KIAA1549: variants seen among roughly 807,000 people sequenced by gnomAD.
The protein encoded by KIAA1549 is KIAA1549, also known as UPF0606 protein KIAA1549.
In KIAA1549, 70 loss-of-function variants were observed where a neutral mutation model predicts 156.4. The observed-to-expected ratio is 0.45, with a 90% CI of 0.37 to 0.55. The LOEUF is 0.55. Among genes scored for constraint, KIAA1549 ranks in the 20% least tolerant of loss-of-function variants. The pLI is 0.00. For missense variants in KIAA1549, 2,428 were observed against 2,540.9 expected, an observed-to-expected ratio of 0.96 and a Z score of 0.96; for synonymous variants, 1,103 against 1,066.4, an observed-to-expected ratio of 1.03 and a Z score of -0.67.
Position 138,981,127 on chromosome 7 carries a change from C to T in KIAA1549, c.143G>A (p.Gly48Asp). ...RRRRPGLLLPGLWLLLLARPA... is the reference protein window; with the variant it reads ...RRRRPGLLLPDLWLLLLARPA... ...CCGGGCCAGCAGCAGCAGCCAGAGG[C>T]CAGGAAGCAGCAGCCCCGGGCGGCG... is the stretch of plus-strand genomic sequence containing the variant. The change falls in exon 1 of 20, where the codon GGC becomes GAC. Residue 48 changes from glycine (G) to aspartate (D), a missense_variant. Transcript: ENST00000422774. This position sits in a 1 kb window ranked among gnomAD's most constrained non-coding sequence, Gnocchi z 4.5. 1 of 1,221,824 alleles carries T rather than the reference C, an allele frequency of 8.2e-7. No individual in the cohort carries two copies. The highest frequency in any genetic ancestry group is 1.0e-6 in the Non-Finnish European group (1 of 981,540). 75.7% of individuals were successfully genotyped at this position (1,221,824 alleles called of 1,614,324 possible).
chr7:138,857,705 G>A (rs1810434142), intron 16 of KIAA1549, among the ~76,000 whole-genome samples: 2 of 152,164 alleles, frequency 1.3e-5, no homozygotes, highest in African/African-American at 4.8e-5. Flanking sequence ...ATGTCTTCCA[G>A]ATAAACTGAA....
rs370490539 is a variant in KIAA1549, at chr7:138,912,384, T to G, written c.2955A>C (p.Ala985=). 2 of 1,613,674 alleles carry G rather than the reference T, an allele frequency of 1.2e-6. No homozygotes were observed. Among genetic ancestry groups the G allele is most frequent in the African/African-American group, 2.7e-5 (2 of 75,040 alleles). Residue 985 remains alanine, a synonymous_variant, in exon 3 of 20, where the codon GCA becomes GCC. Coordinates refer to ENST00000422774, the MANE Select transcript of KIAA1549 (RefSeq NM_001164665.2). The part of the protein sequence containing the change: ...KEVLRIHFNR[A]VELKVYELFT... ...CACCAGGACTCACCTTCAGTTCCAC[T>G]GCACGGTTGAAGTGAATCCTCAGTA...
chr7:138,840,759 G>A (rs1314115698), intron 18 of KIAA1549, among the ~76,000 whole-genome samples: 2 of 152,178 alleles, frequency 1.3e-5, no homozygotes, highest in South Asian at 4.2e-4. Context: ...GAAAGCCCAC[G>A]GGCTCCTCTC....
chr7:138,903,834 TGTGTGTGTGTGTGTGTGTGCGCGC>T (rs1350778009), intron 7 of KIAA1549, 98 bp from the exon 8 acceptor site: 17 of 470,990 alleles, frequency 3.6e-5, no homozygotes, highest in African/African-American at 2.7e-4. Flanking sequence ...TGTGTGTGTG[TGTGTGTGTGTGTGTGTGTGCGCGC>T]GCGCGCGCGC....
Position 138,918,929 on chromosome 7 carries a change from G to C in KIAA1549, c.697C>G (p.Arg233Gly). Residue 233 changes from arginine (R) to glycine (G), a missense_variant, in exon 2 of 20, where the codon CGG becomes GGG. By Grantham distance (125) the Arg-to-Gly change is moderately radical. Coordinates refer to ENST00000422774, the MANE Select transcript of KIAA1549 (RefSeq NM_001164665.2). This position sits in a 1 kb window ranked among gnomAD's most constrained non-coding sequence, Gnocchi z 4.2. The stretch of plus-strand genomic sequence containing the variant: ...CCCTCAGAGGTGCGAAAAGCTGACC[G>C]AAAGGTGTGGAAATGACTGGCGGAC... ...AESASHFHTF[R>G]SAFRTSEGIV... 6.2e-7 allele frequency: 1 copy of C among 1,614,050 alleles called. No homozygotes were observed. Among genetic ancestry groups the C allele is most frequent in the Middle Eastern group, 1.6e-4 (1 of 6,062 alleles).
intron 1 of KIAA1549, among the ~76,000 whole-genome samples, chr7:138,925,396 A>G (rs907478946): frequency 6.6e-6 from 1 of 152,094 alleles, no homozygotes; most frequent in Non-Finnish European, 1.5e-5. Context: ...TCAAAATAGC[A>G]CCCGCAGGGC....
At chr7:138,887,453 G>A (rs1319554771) in intron 10 of KIAA1549, among the ~76,000 whole-genome samples, 4 of 152,162 alleles carry the variant, frequency 2.6e-5, no homozygotes, top group Non-Finnish European at 5.9e-5. Context: ...TTTTCTAGGA[G>A]CAGGCAGCCC....
rs940746507 is a variant in KIAA1549 at position 138,833,591 on chromosome 7, T to C, written c.*4315A>G. 1 of 232,444 alleles carries C rather than the reference T, an allele frequency of 4.3e-6. No individual in the cohort carries two copies. The highest frequency in any genetic ancestry group is 1.3e-3 in the Middle Eastern group (1 of 782). 14.4% of individuals were successfully genotyped at this position (232,444 alleles called of 1,614,324 possible). A position where few individuals can be genotyped will look rare whatever the true frequency, so the allele number is the denominator to read the frequency against. On this transcript the variant is annotated 3_prime_UTR_variant, in exon 20 of 20. Coordinates refer to ENST00000422774, the MANE Select transcript of KIAA1549 (RefSeq NM_001164665.2). Reference sequence around the variant, plus strand: ...TCATCTGCCACCCAAATCAAAACACTATGAAATTAATAAAATTTGGAGAAA... The same window carrying C: ...TCATCTGCCACCCAAATCAAAACACCATGAAATTAATAAAATTTGGAGAAA...
chr7:138,901,044 C>T (rs528887852), intron 8 of KIAA1549, among the ~76,000 whole-genome samples: 2 of 152,176 alleles, frequency 1.3e-5, no homozygotes, highest in Admixed American at 6.5e-5. Flanking sequence ...TATCTGGAAC[C>T]CTTATAACCA....
Position 138,899,046 on chromosome 7 carries a change from A to C in KIAA1549, c.3756T>G (p.Ser1252Arg), listed in dbSNP as rs534803506. The C allele has an allele frequency of 6.2e-7, 1 of 1,613,426 alleles. No homozygotes were observed. Among genetic ancestry groups the C allele is most frequent in the South Asian group, 1.1e-5 (1 of 91,070 alleles). Residue 1252 changes from serine to arginine, a missense_variant, in exon 9 of 20, where the codon AGT becomes AGG. By Grantham distance (110) the Ser-to-Arg change is moderately radical (BLOSUM62 -1). Coordinates refer to ENST00000422774, the MANE Select transcript of KIAA1549 (RefSeq NM_001164665.2). ...TAATCAGGTCCGAAGACTTGACTGC[A>C]CTGAGTCTTTCTCCATCTTGATCCT... ...FVEDQDGERL[S>R]AVKSSDLINK...
intron 1 of KIAA1549, among the ~76,000 whole-genome samples, chr7:138,940,271 T>C (rs1367505301): frequency 6.6e-6 from 1 of 151,086 alleles, no homozygotes; most frequent in Non-Finnish European, 1.5e-5. Context: ...GGTGTTTGGT[T>C]TTTTGTCCTT....
At position 138,916,755 on chromosome 7, in the gene KIAA1549, G is replaced by A. The variant is rs773083708; in HGVS notation, c.2871C>T (p.Ile957=). ...CDITVPDAYL[I]TTVLARRAVQ... is the part of the protein sequence containing the mutation. Reference sequence around the variant, plus strand: ...CAGGAAGCTGGGCCTTACCAGTTGTGATCAGATAGGCATCGGGGACTGTGA... The same window carrying A: ...CAGGAAGCTGGGCCTTACCAGTTGTAATCAGATAGGCATCGGGGACTGTGA... The change falls in exon 2 of 20, where the codon ATC becomes ATT. Residue 957 remains isoleucine (I), a synonymous_variant. Transcript: ENST00000422774. 4 of 1,613,684 alleles carry A rather than the reference G, an allele frequency of 2.5e-6. No homozygotes were observed. The South Asian group carries it at 4.4e-5, about 18-fold the overall frequency.
chr7:138,871,228 T>C lies in KIAA1549; in HGVS notation c.4480A>G (p.Ile1494Val), dbSNP rs901044318. 1 of 1,613,398 alleles carries C rather than the reference T, an allele frequency of 6.2e-7. No individual in the cohort carries two copies. The highest frequency in any genetic ancestry group is 1.3e-5 in the African/African-American group (1 of 75,046). ...SKIQLIAMQP[I>V]PAPPVQRPSP... ...GGGCGCTGGACGGGAGGTGCCGGGA[T>C]CGGCTGCATGGCGATAAGCTGGATC... Residue 1494 changes from isoleucine (I) to valine (V), a missense_variant, in exon 13 of 20, where the codon ATC becomes GTC. This residue lies in a region of KIAA1549 where 404 missense variants were observed against 417.0 expected (regional missense o/e 0.97). Transcript: ENST00000422774.
chr7:138,963,936 C>G (rs1813933295), intron 1 of KIAA1549, among the ~76,000 whole-genome samples: 1 of 152,144 alleles, frequency 6.6e-6, no homozygotes, highest in Non-Finnish European at 1.5e-5. Context: ...AAATGTCACT[C>G]AGTATTAAGA....
At chr7:138,890,145 C>T (rs767444956) in intron 10 of KIAA1549, among the ~76,000 whole-genome samples, 1 of 152,156 alleles carries the variant, frequency 6.6e-6, no homozygotes, top group Admixed American at 6.6e-5. Flanking sequence ...TGTGCCCCAC[C>T]GGAATACGTC....
Position 138,837,693 on chromosome 7 carries a change from T to G in KIAA1549, c.*213A>C, listed in dbSNP as rs928233069. The G allele has an allele frequency of 1.4e-5, 8 of 587,156 alleles. No individual in the cohort carries two copies. In the African/African-American group the frequency reaches 1.5e-4, roughly 11 times the overall value. The allele number at this position is 587,156 out of a possible 1,614,324, so 36.4% of individuals were successfully genotyped here. On this transcript the variant is annotated 3_prime_UTR_variant, in exon 20 of 20. Coordinates refer to ENST00000422774, the MANE Select transcript of KIAA1549 (RefSeq NM_001164665.2). ...TTGGCCAAAATACATATATTTCAAC[T>G]GAACCCAAGTGTTCAGACAATTGCC...
rs927251106 is a variant in KIAA1549 at position 138,869,682 on chromosome 7, T to C, written c.4631A>G (p.His1544Arg). ...GTCGTCTACCACCGGGAACTCGTAG[T>C]GCCCGCGGCGCTTGGCGCGCAGGCG... Reference protein sequence around the residue: ...KIRLRAKRRGHYEFPVVDDLS... With the variant: ...KIRLRAKRRGRYEFPVVDDLS... The change falls in exon 14 of 20, where the codon CAC (histidine) becomes CGC (arginine). Residue 1544 changes from histidine to arginine, a missense_variant. By Grantham distance (29) the His-to-Arg change is conservative (BLOSUM62 0). Around this residue, in one of 5 missense-constraint regions of KIAA1549, gnomAD observed 404 missense variants for 417.0 expected, o/e 0.97. Transcript: ENST00000422774. 3.1e-6 allele frequency: 5 copies of C among 1,612,484 alleles called. No individual in the cohort carries two copies. The highest frequency in any genetic ancestry group is 3.4e-6 in the Non-Finnish European group (4 of 1,179,848).
intron 8 of KIAA1549, 50 bp downstream of exon 8, chr7:138,903,538 G>A (rs368765797): frequency 4.1e-5 from 64 of 1,579,458 alleles, no homozygotes; most frequent in East Asian, 6.8e-5. Flanking sequence ...ACACGCAAGC[G>A]CTGTCTCTCT....
intron 7 of KIAA1549, 100 bp from the exon 8 acceptor site, chr7:138,903,836 TGTGTGTGTGTGTGTGTGCGCGCGCGC>T (rs1252977770): frequency 9.7e-6 from 5 of 515,206 alleles, no homozygotes; most frequent in Admixed American, 4.6e-5. Flanking sequence ...TGTGTGTGTG[TGTGTGTGTGTGTGTGTGCGCGCGCGC>T]GCGCGCGCAC....
Sources: gnomAD v4.1 joint callset for allele counts (sites outside exome capture counted in the v4.1 genomes callset) on GRCh38, gnomAD v4.1.1 for gene constraint, gnomAD v4.1.1 regional missense constraint, Gnocchi (gnomAD v3.1) non-coding constraint, MANE v1.5 for transcripts, NCBI Gene and HGNC (gene_info 2026-07-23, HGNC 2026-07-21) for gene names.